Variants in WDR59 observed in about 807,000 individuals in gnomAD.
The protein encoded by WDR59 is WD repeat domain 59, also known as GATOR2 complex protein WDR59.
A neutral mutation model predicts 131.2 loss-of-function variants in WDR59; 100 were observed. That is an observed-to-expected ratio of 0.76 (90% CI 0.65 to 0.90). The LOEUF is 0.90. WDR59 is among the 40% of genes least tolerant of loss of function. The pLI, the probability that WDR59 is intolerant of heterozygous loss-of-function variation, is 0.00. For missense variants in WDR59, 1,203 were observed against 1,262.2 expected (o/e 0.95, Z 0.71); for synonymous variants, 601 against 466.2 (o/e 1.29, Z -3.72).
chr16:74,879,764 A>T (rs1964391055), intron 25 of WDR59, among the ~76,000 whole-genome samples: 1 of 152,310 alleles, frequency 6.6e-6, no homozygotes, highest in East Asian at 1.9e-4. Flanking sequence ...CACCAGGAAA[A>T]CCTTAGAACA....
intron 8 of WDR59, among the ~76,000 whole-genome samples, chr16:74,928,056 C>T (rs555062901): frequency 7.3e-5 from 11 of 151,714 alleles, no homozygotes; most frequent in Admixed American, 2.0e-4. Flanking sequence ...TACAGGCATG[C>T]ACCACCACGC....
At chr16:74,962,291 T>C (rs910913999) in intron 2 of WDR59, among the ~76,000 whole-genome samples, 5 of 152,188 alleles carry the variant, frequency 3.3e-5, no homozygotes, top group African/African-American at 4.8e-5. Context: ...GGGTTCCGTA[T>C]GAATTTCATA....
intron 3 of WDR59, among the ~76,000 whole-genome samples, chr16:74,955,604 A>C (rs1597792468): frequency 6.6e-6 from 1 of 152,182 alleles, no homozygotes; most frequent in African/African-American, 2.4e-5. Flanking sequence ...GGCAGACTCT[A>C]TTTTGGAAAT....
At chr16:74,879,092 C>A (rs1964355073) in intron 25 of WDR59, among the ~76,000 whole-genome samples, 1 of 152,208 alleles carries the variant, frequency 6.6e-6, no homozygotes, top group Non-Finnish European at 1.5e-5. Flanking sequence ...GCTTCTCATG[C>A]CTGTAATCCC....
chr16:74,893,886 A>G, intron 18 of WDR59, 74 bp from the exon 19 acceptor site: 1 of 1,513,764 alleles, frequency 6.6e-7, no homozygotes, highest in Non-Finnish European at 9.0e-7. Context: ...AGCTCATCAT[A>G]TTGGGGTCAT....
chr16:74,972,821 TAAAAAA>T (rs57885889), intron 1 of WDR59, among the ~76,000 whole-genome samples: 186 of 55,060 alleles, frequency 3.4e-3, no homozygotes, highest in South Asian at 4.5e-3. Flanking sequence ...GACTCTGTCT[TAAAAAA>T]AAAAAAAAAA....
chr16:74,942,958 A>G lies in WDR59; in HGVS notation c.446-132T>C, dbSNP rs912511155. 4.2e-6 allele frequency: 3 copies of G among 709,610 alleles called. No homozygotes were observed. The Admixed American group carries it at 8.9e-5, about 21-fold the overall frequency. 44.0% of individuals were successfully genotyped at this position (709,610 alleles called of 1,614,324 possible). The stretch of plus-strand genomic sequence containing the variant: ...GAACCCTTCAAGTTTCTGTGACTGC[A>G]CCAACTCCACTATTCCAGATAAAAT... On this transcript the variant is annotated intron_variant, in intron 6 of 25. Coordinates refer to ENST00000262144, the MANE Select transcript of WDR59 (RefSeq NM_030581.4).
intron 18 of WDR59, among the ~76,000 whole-genome samples, chr16:74,901,054 C>T (rs905828180): frequency 5.9e-5 from 9 of 152,302 alleles, no homozygotes; most frequent in East Asian, 1.9e-4. Context: ...GCAGAGACCG[C>T]GCCTTTGCAC....
intron 10 of WDR59, among the ~76,000 whole-genome samples, chr16:74,918,310 A>G (rs1185894539): frequency 6.6e-6 from 1 of 152,278 alleles, no homozygotes; most frequent in African/African-American, 2.4e-5. Flanking sequence ...GAACTCCCCA[A>G]GGAAATCACA....
chr16:74,950,454 C>G (rs572011274), intron 4 of WDR59, among the ~76,000 whole-genome samples: 72 of 152,324 alleles, frequency 4.7e-4, no homozygotes, highest in African/African-American at 1.7e-3. Flanking sequence ...CTTGGGTAAA[C>G]CCAACATCCT....
At chr16:74,883,330 G>A (rs1484897478) in intron 25 of WDR59, among the ~76,000 whole-genome samples, 7 of 151,916 alleles carry the variant, frequency 4.6e-5, no homozygotes, top group African/African-American at 7.3e-5. Flanking sequence ...GCCACACCCC[G>A]GTTTTTAATC....
intron 3 of WDR59, among the ~76,000 whole-genome samples, chr16:74,951,989 T>G (rs897972803): frequency 1.0e-4 from 15 of 143,262 alleles, no homozygotes; most frequent in Non-Finnish European, 3.1e-5. Flanking sequence ...CAGGTTTTTG[T>G]TTTTTTTTTT....
chr16:74,972,311 G>A (rs1187123093), intron 1 of WDR59, among the ~76,000 whole-genome samples: 1 of 152,138 alleles, frequency 6.6e-6, no homozygotes, highest in Non-Finnish European at 1.5e-5. Context: ...TCAATTCCAT[G>A]AGACTCTATT....
At chr16:74,888,958 C>A (rs1368576000) in intron 21 of WDR59, among the ~76,000 whole-genome samples, 1 of 152,216 alleles carries the variant, frequency 6.6e-6, no homozygotes, top group Admixed American at 6.5e-5. Flanking sequence ...ATATTAATGT[C>A]CTCCTATCAC....
At chr16:74,979,866 TGAG>T (rs2034333683) in intron 1 of WDR59, among the ~76,000 whole-genome samples, 1 of 108,988 alleles carries the variant, frequency 9.2e-6, no homozygotes, top group Non-Finnish European at 1.9e-5. Context: ...TTTTTTTCTT[TGAG>T]ACAGAGCTTC....
chr16:74,975,368 C>T (rs534081412), intron 1 of WDR59, among the ~76,000 whole-genome samples: 16 of 145,958 alleles, frequency 1.1e-4, no homozygotes, highest in African/African-American at 3.5e-4. Flanking sequence ...CAAAAAACAA[C>T]AAAAAAAAAC....
chr16:74,949,029 C>A (rs991033724), intron 5 of WDR59, among the ~76,000 whole-genome samples: 3 of 151,900 alleles, frequency 2.0e-5, no homozygotes, highest in Non-Finnish European at 4.4e-5. Flanking sequence ...AGAAAGAAAA[C>A]AAATTACAGG....
chr16:74,908,806 C>T, intron 17 of WDR59, 102 bp downstream of exon 17: 3 of 827,012 alleles, frequency 3.6e-6, no homozygotes, highest in African/African-American at 1.7e-5. Context: ...TACTGAAGAA[C>T]TGAAATGCAC....
intron 7 of WDR59, 99 bp downstream of exon 7, chr16:74,942,639 C>A: frequency 8.8e-7 from 1 of 1,142,228 alleles, no homozygotes; most frequent in South Asian, 1.3e-5. Context: ...GCACAGGGTT[C>A]CCCAGACTCT....
Sources: gnomAD v4.1 joint callset for allele counts (sites outside exome capture counted in the v4.1 genomes callset) on GRCh38, gnomAD v4.1.1 for gene constraint, MANE v1.5 for transcripts, NCBI Gene and HGNC (gene_info 2026-07-23, HGNC 2026-07-21) for gene names.